The following MON2 variants were observed in gnomAD, a reference collection of about 807,000 sequenced individuals.
The protein encoded by MON2 is MON2 regulator of endosome-to-Golgi trafficking.
Under a neutral mutation model 208.6 loss-of-function variants are expected in MON2, and 84 were observed. That is an observed-to-expected ratio of 0.40 (90% CI 0.34 to 0.48). The LOEUF (loss-of-function observed/expected upper bound fraction) is 0.48, where lower values mean the gene tolerates loss of function less well. MON2 is among the 20% of genes least tolerant of loss of function. MON2 has a pLI of 0.59. For synonymous variants in MON2, 660 were observed against 694.0 expected (o/e 0.95, Z 0.77); for missense variants, 1,611 against 2,015.4 (o/e 0.80, Z 3.84).
At chr12:62,583,236 G>T (rs909120950) in intron 32 of MON2, among the ~76,000 whole-genome samples, 1 of 152,038 alleles carries the variant, frequency 6.6e-6, no homozygotes, top group Non-Finnish European at 1.5e-5. Context: ...GGAGGCTGAG[G>T]TGGGAGGATC....
chr12:62,538,385 A>G (rs769667944), intron 18 of MON2, 30 bp from the exon 19 acceptor site: 11 of 1,590,420 alleles, frequency 6.9e-6, no homozygotes, highest in African/African-American at 2.7e-5. Context: ...TTTTAGATCA[A>G]GATGTCTTAT....
chr12:62,557,432 A>G (rs758546615), intron 25 of MON2, among the ~76,000 whole-genome samples: 1 of 152,226 alleles, frequency 6.6e-6, no homozygotes, highest in Non-Finnish European at 1.5e-5. Flanking sequence ...ACATCTTACA[A>G]TGCAGCCTCC....
At chr12:62,510,389 A>C (rs2071333209) in intron 8 of MON2, among the ~76,000 whole-genome samples, 1 of 152,202 alleles carries the variant, frequency 6.6e-6, no homozygotes, top group Non-Finnish European at 1.5e-5. Flanking sequence ...ATTCTCAAGA[A>C]AGTACAAGGA....
chr12:62,480,287 G>C (rs1025108486), intron 1 of MON2, among the ~76,000 whole-genome samples: 2 of 152,130 alleles, frequency 1.3e-5, no homozygotes, highest in Non-Finnish European at 2.9e-5. Flanking sequence ...GACCAGGCAC[G>C]GTGGCTCACC....
chr12:62,485,929 C>A (rs946167630), intron 2 of MON2, among the ~76,000 whole-genome samples: 6 of 152,096 alleles, frequency 3.9e-5, no homozygotes, highest in Admixed American at 3.9e-4. Flanking sequence ...GTCTCGAACT[C>A]CTGACCTCGG....
intron 23 of MON2, among the ~76,000 whole-genome samples, chr12:62,551,097 T>C (rs1274242094): frequency 6.6e-6 from 1 of 152,092 alleles, no homozygotes; most frequent in Non-Finnish European, 1.5e-5. Context: ...ATAGTTTGTT[T>C]GTTCTTTGGA....
intron 29 of MON2, 56 bp from the exon 30 acceptor site, chr12:62,571,336 A>C (rs2074589523): frequency 8.0e-7 from 1 of 1,242,976 alleles, no homozygotes; most frequent in East Asian, 2.6e-5. Flanking sequence ...TTTCTTAATT[A>C]AAATTGTGTG....
intron 24 of MON2, among the ~76,000 whole-genome samples, chr12:62,554,473 A>G (rs1430383500): frequency 6.6e-6 from 1 of 151,856 alleles, no homozygotes; most frequent in Non-Finnish European, 1.5e-5. Flanking sequence ...GAAACACAGA[A>G]ATTATTCATA....
At chr12:62,560,354 A>G in intron 25 of MON2, 137 bp from the exon 26 acceptor site, 1 of 842,234 alleles carries the variant, frequency 1.2e-6, no homozygotes, top group East Asian at 2.5e-5. Flanking sequence ...TTAGTACCTT[A>G]GTACCTAGTC....
rs1183726637 is a variant in MON2, at chr12:62,598,133, A to G, written c.*5384A>G. 1 of 152,122 alleles carries G rather than the reference A, an allele frequency of 6.6e-6. No individual in the cohort carries two copies. Among genetic ancestry groups the G allele is most frequent in the Non-Finnish European group, 1.5e-5 (1 of 68,030 alleles). The allele number at this position is 152,122 out of a possible 1,614,324, so 9.4% of individuals were successfully genotyped here. A position where few individuals can be genotyped will look rare whatever the true frequency, so the allele number is the denominator to read the frequency against. ...GAAGACCCGGAATCTTATAGTTCTC[A>G]TATCTGAGTCTTTCTGGAGTGTATT... On this transcript the variant is annotated 3_prime_UTR_variant, in exon 35 of 35. Coordinates refer to ENST00000393630, the MANE Select transcript of MON2 (RefSeq NM_015026.3).
Position 62,592,638 on chromosome 12 carries a change from A to G in MON2, c.5043A>G (p.Glu1681=). Residue 1681 remains glutamate, a synonymous_variant, in exon 35 of 35, where the codon GAA becomes GAG. Transcript: ENST00000393630. The part of the protein sequence containing the change: ...QVIALYPTLV[E]CITCSSSEVC... ...TTGCCTTATACCCAACTTTAGTAGAATGCATCACCTGTTCTTCTTCAGAAG... is the reference window on the plus strand; with the variant it reads ...TTGCCTTATACCCAACTTTAGTAGAGTGCATCACCTGTTCTTCTTCAGAAG... 6.2e-7 allele frequency: 1 copy of G among 1,612,236 alleles called. No homozygotes were observed. Among genetic ancestry groups the G allele is most frequent in the Non-Finnish European group, 8.5e-7 (1 of 1,178,554 alleles).
Position 62,596,087 on chromosome 12 carries a change from T to C in MON2, c.*3338T>C, listed in dbSNP as rs1282099205. On this transcript the variant is annotated 3_prime_UTR_variant, in exon 35 of 35. Coordinates refer to ENST00000393630, the MANE Select transcript of MON2 (RefSeq NM_015026.3). ...ATTTTGTTTTATTGTCACAATTTGG[T>C]ACCACTAGTCCCAGGTAACCATTGG... The C allele has an allele frequency of 2.0e-5, 3 of 152,224 alleles. No individual in the cohort carries two copies. Among genetic ancestry groups the C allele is most frequent in the African/African-American group, 7.2e-5 (3 of 41,450 alleles). The allele number at this position is 152,224 out of a possible 1,614,324, so 9.4% of individuals were successfully genotyped here. A position where few individuals can be genotyped will look rare whatever the true frequency, so the allele number is the denominator to read the frequency against.
chr12:62,572,620 A>AT (rs2074635382), intron 30 of MON2, among the ~76,000 whole-genome samples: 1 of 151,996 alleles, frequency 6.6e-6, no homozygotes, highest in Admixed American at 6.6e-5. Context: ...TAATTTTAAA[A>AT]TTTTTTGTAG....
intron 10 of MON2, among the ~76,000 whole-genome samples, chr12:62,525,652 G>A (rs1289070524): frequency 6.6e-6 from 1 of 152,064 alleles, no homozygotes; most frequent in Non-Finnish European, 1.5e-5. Context: ...CTGAGTGATG[G>A]TTTTGTATAC....
chr12:62,524,956 G>T, intron 9 of MON2, 128 bp from the exon 10 acceptor site: 1 of 844,678 alleles, frequency 1.2e-6, no homozygotes, highest in Non-Finnish European at 1.8e-6. Context: ...TAAAATTACT[G>T]AGTTGTAATG....
intron 2 of MON2, among the ~76,000 whole-genome samples, chr12:62,486,487 A>T (rs1394019652): frequency 6.6e-6 from 1 of 152,136 alleles, no homozygotes; most frequent in Admixed American, 6.5e-5. Context: ...TCTTCGTAGT[A>T]TCCAGAGCCC....
chr12:62,521,636 A>G (rs2072044438), intron 8 of MON2, among the ~76,000 whole-genome samples: 1 of 152,210 alleles, frequency 6.6e-6, no homozygotes, highest in Non-Finnish European at 1.5e-5. Context: ...AAGATAATTA[A>G]TCTTTAAAGG....
intron 20 of MON2, among the ~76,000 whole-genome samples, chr12:62,544,499 C>T (rs1471213683): frequency 6.6e-6 from 1 of 151,824 alleles, no homozygotes; most frequent in Non-Finnish European, 1.5e-5. Flanking sequence ...ATGAGCTTTC[C>T]CCCCATTTTA....
In MON2 at chr12:62,538,136, G is replaced by C; in HGVS notation, c.2159G>C (p.Gly720Ala). Residue 720 changes from glycine (G) to alanine (A), a missense_variant, in exon 17 of 35, where the codon GGT becomes GCT. Physicochemically the swap from Gly to Ala is moderately conservative, Grantham distance 60. Coordinates refer to ENST00000393630, the MANE Select transcript of MON2 (RefSeq NM_015026.3). ...CTGGGATTAAAGCCTAGTAGTGGCG[G>C]TGCCTTGAAACCTGGGAGAGCTGTA... ...WILGLKPSSG[G>A]ALKPGRAVEG... The C allele has an allele frequency of 6.2e-7, 1 of 1,613,830 alleles. No individual in the cohort carries two copies. The highest frequency in any genetic ancestry group is 8.5e-7 in the Non-Finnish European group (1 of 1,179,890).
Sources: allele counts gnomAD v4.1 joint callset (sites outside exome capture counted in the v4.1 genomes callset), GRCh38; gene constraint gnomAD v4.1.1; transcripts MANE v1.5; gene names NCBI Gene and HGNC (gene_info 2026-07-23, HGNC 2026-07-21).